Variants in ARSK observed in about 807,000 individuals in gnomAD.
ARSK encodes arylsulfatase K.
ARSK carries 37 observed loss-of-function variants against 53.2 expected under a neutral mutation model. The observed-to-expected ratio is 0.70, with a 90% CI of 0.54 to 0.92. The LOEUF is 0.92. Ranked by LOEUF, ARSK falls within the 40% of genes least tolerant of loss-of-function variation. The pLI is 0.00. For synonymous variants in ARSK, 208 were observed against 223.2 expected (o/e 0.93, Z 0.61); for missense variants, 613 against 643.0 (o/e 0.95, Z 0.51).
chr5:95,575,442 T>A (rs1017564683), intron 3 of ARSK, among the ~76,000 whole-genome samples: 1 of 152,240 alleles, frequency 6.6e-6, no homozygotes, highest in Non-Finnish European at 1.5e-5. Context: ...TGGATTGCAT[T>A]GAATCTGTAA....
chr5:95,572,466 T>C (rs1748848989), intron 3 of ARSK, among the ~76,000 whole-genome samples: 1 of 152,226 alleles, frequency 6.6e-6, no homozygotes, highest in African/African-American at 2.4e-5. Flanking sequence ...TCAAATTTGC[T>C]GTCTTCTTAT....
At chr5:95,559,492 A>G (rs534653889) in intron 1 of ARSK, among the ~76,000 whole-genome samples, 37 of 152,340 alleles carry the variant, frequency 2.4e-4, no homozygotes, top group African/African-American at 8.9e-4. Context: ...AACCAAATTC[A>G]TTAGTATGTA....
chr5:95,591,880 A>T (rs1749224194), intron 6 of ARSK, among the ~76,000 whole-genome samples: 2 of 152,250 alleles, frequency 1.3e-5, no homozygotes, highest in South Asian at 4.1e-4. Flanking sequence ...CTGTAAAGTA[A>T]GCCATGTAAG....
In ARSK at chr5:95,601,008, C is replaced by G. The variant is rs747031061; in HGVS notation, c.1258C>G (p.Arg420Gly). ...CNVNASTYML[R>G]TNHWKYIAYS... Reference sequence around the variant, plus strand: ...TGTGAATGCCTCCACCTACATGCTTCGAACTAACCACTGGAAATATATAGC... The same window carrying G: ...TGTGAATGCCTCCACCTACATGCTTGGAACTAACCACTGGAAATATATAGC... The change falls in exon 7 of 8, where the codon CGA becomes GGA. Residue 420 changes from arginine to glycine, a missense_variant. Coordinates refer to ENST00000380009, the MANE Select transcript of ARSK (RefSeq NM_198150.3). 1 of 1,614,066 alleles carries G rather than the reference C, an allele frequency of 6.2e-7. No homozygotes were observed. Among genetic ancestry groups the G allele is most frequent in the South Asian group, 1.1e-5 (1 of 91,080 alleles).
chr5:95,585,739 C>T (rs1364792306), intron 4 of ARSK, among the ~76,000 whole-genome samples: 1 of 152,006 alleles, frequency 6.6e-6, no homozygotes, highest in African/African-American at 2.4e-5. Flanking sequence ...GTGATGAGTG[C>T]ACCAAAATCT....
intron 4 of ARSK, among the ~76,000 whole-genome samples, chr5:95,584,731 G>T (rs1279937521): frequency 6.6e-6 from 1 of 152,074 alleles, no homozygotes. Flanking sequence ...GTGGGCTAAG[G>T]ACATGAATAG....
intron 6 of ARSK, among the ~76,000 whole-genome samples, chr5:95,598,112 T>C (rs1017476510): frequency 1.3e-5 from 2 of 152,180 alleles, no homozygotes; most frequent in African/African-American, 4.8e-5. Flanking sequence ...ATATCATCTC[T>C]CTTCAGGAGA....
At chr5:95,589,647 A>G (rs1487165050) in intron 5 of ARSK, among the ~76,000 whole-genome samples, 1 of 152,190 alleles carries the variant, frequency 6.6e-6, no homozygotes, top group Non-Finnish European at 1.5e-5. Context: ...CATGGTGTAG[A>G]TGTACCACAT....
At chr5:95,574,623 T>G (rs1319767989) in intron 3 of ARSK, among the ~76,000 whole-genome samples, 1 of 152,208 alleles carries the variant, frequency 6.6e-6, no homozygotes, top group East Asian at 1.9e-4. Context: ...TATATCTATT[T>G]GCCATTCGTA....
At chr5:95,599,046 C>T (rs1490850723) in intron 6 of ARSK, among the ~76,000 whole-genome samples, 1 of 152,218 alleles carries the variant, frequency 6.6e-6, no homozygotes, top group East Asian at 1.9e-4. Flanking sequence ...GCACTTACCA[C>T]CATCTGACAC....
At chr5:95,584,361 T>G (rs1749072929) in intron 4 of ARSK, among the ~76,000 whole-genome samples, 1 of 152,218 alleles carries the variant, frequency 6.6e-6, no homozygotes, top group South Asian at 2.1e-4. Flanking sequence ...TTGTACTTCT[T>G]GCAGTTATTC....
intron 6 of ARSK, among the ~76,000 whole-genome samples, chr5:95,593,054 ATATT>A (rs1349998770): frequency 6.6e-6 from 1 of 151,998 alleles, no homozygotes; most frequent in African/African-American, 2.4e-5. Context: ...TTTTATTAGT[ATATT>A]TAGAGTTTTA....
chr5:95,584,177 C>T (rs1255235650), intron 4 of ARSK, among the ~76,000 whole-genome samples: 1 of 152,174 alleles, frequency 6.6e-6, no homozygotes, highest in Non-Finnish European at 1.5e-5. Flanking sequence ...TAAAGTGTCA[C>T]ATTAATTTAT....
chr5:95,585,943 G>T (rs1749104514), intron 4 of ARSK, among the ~76,000 whole-genome samples: 1 of 152,074 alleles, frequency 6.6e-6, no homozygotes, highest in Non-Finnish European at 1.5e-5. Flanking sequence ...TCAAAAATTT[G>T]TCTGGAGTTA....
intron 3 of ARSK, among the ~76,000 whole-genome samples, chr5:95,569,589 A>G (rs1165471157): frequency 1.3e-5 from 2 of 152,238 alleles, no homozygotes; most frequent in Non-Finnish European, 2.9e-5. Context: ...AGGAGTCACC[A>G]TAAGTTAGGA....
At position 95,568,014 on chromosome 5, in the gene ARSK, G is replaced by C; in HGVS notation, c.381G>C (p.Gly127=). The change falls in exon 3 of 8, where the codon GGG becomes GGC. Residue 127 remains glycine (G), a synonymous_variant. Transcript: ENST00000380009. ...ERHGYRTQKF[G]KLDYTSGHHS... ...ATGGCTACCGAACACAGAAATTTGG[G>C]AAACTGGACTATACTTCAGGACATC... is the stretch of plus-strand genomic sequence containing the variant. The C allele has an allele frequency of 6.2e-7, 1 of 1,613,770 alleles. No homozygotes were observed. Among genetic ancestry groups the C allele is most frequent in the East Asian group, 2.2e-5 (1 of 44,868 alleles).
chr5:95,597,549 A>G (rs779869596), intron 6 of ARSK, among the ~76,000 whole-genome samples: 11 of 152,166 alleles, frequency 7.2e-5, no homozygotes, highest in Non-Finnish European at 1.5e-4. Context: ...CCAACTGCGT[A>G]ATCTTGGGCA....
In ARSK at chr5:95,603,569, T is replaced by A. The variant is rs758841702; in HGVS notation, c.*43T>A. ...AGTGTTCTAGAGATACATATAAATA[T>A]ATTACAAGATCATAATTATGTATTT... On this transcript the variant is annotated 3_prime_UTR_variant, in exon 8 of 8. Transcript: ENST00000380009. 1 of 1,424,968 alleles carries A rather than the reference T, an allele frequency of 7.0e-7. No homozygotes were observed. Among genetic ancestry groups the A allele is most frequent in the Non-Finnish European group, 9.3e-7 (1 of 1,072,414 alleles). The allele number at this position is 1,424,968 out of a possible 1,614,324, so 88.3% of individuals were successfully genotyped here.
At chr5:95,570,250 A>C (rs1488786397) in intron 3 of ARSK, among the ~76,000 whole-genome samples, 1 of 152,214 alleles carries the variant, frequency 6.6e-6, no homozygotes, top group Non-Finnish European at 1.5e-5. Flanking sequence ...CTCCAGTCTC[A>C]TTTCATACCA....
Sources: allele counts gnomAD v4.1 joint callset (sites outside exome capture counted in the v4.1 genomes callset), GRCh38; gene constraint gnomAD v4.1.1; transcripts MANE v1.5; gene names NCBI Gene and HGNC (gene_info 2026-07-23, HGNC 2026-07-21).